Variants in AHI1 observed in about 807,000 individuals in gnomAD.
AHI1 encodes the protein Abelson helper integration site 1.
Under a neutral mutation model 149.3 loss-of-function variants are expected in AHI1, and 123 were observed. That is an observed-to-expected ratio of 0.82 (90% CI 0.71 to 0.96). The LOEUF (loss-of-function observed/expected upper bound fraction) is 0.96, where lower values mean the gene tolerates loss of function less well. Among genes scored for constraint, AHI1 ranks in the 40% least tolerant of loss-of-function variants. The pLI is 0.00. For synonymous variants in AHI1, 475 were observed against 459.8 expected, an observed-to-expected ratio of 1.03 and a Z score of -0.42; for missense variants, 1,439 against 1,422.7, an observed-to-expected ratio of 1.01 and a Z score of -0.18.
At chr6:135,334,154 G>C (rs1326723847) in intron 24 of AHI1, among the ~76,000 whole-genome samples, 1 of 152,140 alleles carries the variant, frequency 6.6e-6, no homozygotes, top group Non-Finnish European at 1.5e-5. Context: ...CAAAAATAAA[G>C]CTACTTTACA....
intron 20 of AHI1, among the ~76,000 whole-genome samples, chr6:135,414,334 G>A (rs1782032033): frequency 6.6e-6 from 1 of 152,082 alleles, no homozygotes; most frequent in South Asian, 2.1e-4. Context: ...AAAACCCAAA[G>A]CTGTAAGACT....
In AHI1 at chr6:135,454,657, A is replaced by T. The variant is rs78071248; in HGVS notation, c.1344+1077T>A. ...TCAAAAAGCAGTTGCATAGGCAATA[A>T]CATATTACATTAAAACTTAAGAAGC... On this transcript the variant is annotated intron_variant, in intron 10 of 28. Transcript: ENST00000265602. Among the ~76,000 whole-genome samples, 182 of 152,350 alleles carry T rather than the reference A, an allele frequency of 1.2e-3. 1 individual carries two copies. Among genetic ancestry groups the T allele is most frequent in the African/African-American group, 4.2e-3 (175 of 41,584 alleles).
chr6:135,326,257 G>A (rs1248005370), intron 24 of AHI1, among the ~76,000 whole-genome samples: 1 of 152,094 alleles, frequency 6.6e-6, no homozygotes, highest in Non-Finnish European at 1.5e-5. Flanking sequence ...TGAAATCATA[G>A]GGGTGGGGCC....
chr6:135,323,255 G>A lies in AHI1; in HGVS notation c.3235C>T (p.Arg1079Ter), dbSNP rs761732432. The change falls in exon 25 of 29, where the codon CGA becomes TGA. Residue 1079 changes from arginine (R) to a stop codon, truncating the protein, a stop_gained. Coordinates refer to ENST00000265602, the MANE Select transcript of AHI1 (RefSeq NM_001134831.2). LOFTEE classifies it high-confidence loss of function. ...ELTIHRGDII[R>*]VFFKDNEDWW... Reference sequence around the variant, plus strand: ...TCTTCATTATCTTTGAAAAACACTCGGATAATGTCTCCGCGATGGATGGTT... The same window carrying A: ...TCTTCATTATCTTTGAAAAACACTCAGATAATGTCTCCGCGATGGATGGTT... 26 of 1,613,692 alleles carry A rather than the reference G, an allele frequency of 1.6e-5. No homozygotes were observed. The highest frequency in any genetic ancestry group is 2.2e-5 in the East Asian group (1 of 44,866).
At chr6:135,322,361 A>G (rs1249125473) in intron 25 of AHI1, among the ~76,000 whole-genome samples, 1 of 152,052 alleles carries the variant, frequency 6.6e-6, no homozygotes, top group Non-Finnish European at 1.5e-5. Context: ...TGACAGTTTT[A>G]AGTTATTATT....
intron 23 of AHI1, among the ~76,000 whole-genome samples, chr6:135,392,869 G>A (rs980233575): frequency 6.6e-6 from 1 of 152,092 alleles, no homozygotes; most frequent in African/African-American, 2.4e-5. Context: ...TGGTTCCTAA[G>A]GCAGGATTTT....
At chr6:135,438,566 T>A in intron 14 of AHI1, 68 bp from the exon 15 acceptor site, 1 of 1,227,852 alleles carries the variant, frequency 8.1e-7, no homozygotes, top group Non-Finnish European at 1.1e-6. Flanking sequence ...TACAAATATA[T>A]AATTTAATAT....
At chr6:135,399,224 C>T (rs951967248) in intron 22 of AHI1, among the ~76,000 whole-genome samples, 3 of 152,152 alleles carry the variant, frequency 2.0e-5, no homozygotes, top group East Asian at 1.9e-4. Flanking sequence ...GGCTATTTCC[C>T]TGCAGGTTAG....
intron 23 of AHI1, among the ~76,000 whole-genome samples, chr6:135,364,664 C>T (rs1350212916): frequency 3.3e-5 from 5 of 152,064 alleles, no homozygotes; most frequent in South Asian, 2.1e-4. Context: ...CCGAGGCTGG[C>T]GGATCACTCG....
At chr6:135,294,227 G>T (rs567954548) in intron 27 of AHI1, among the ~76,000 whole-genome samples, 6 of 152,124 alleles carry the variant, frequency 3.9e-5, no homozygotes, top group African/African-American at 1.2e-4. Context: ...TCAGGAGGCT[G>T]AGGCAGGAGA....
chr6:135,459,353 C>G (rs1789494317), intron 8 of AHI1, among the ~76,000 whole-genome samples: 1 of 151,926 alleles, frequency 6.6e-6, no homozygotes, highest in Non-Finnish European at 1.5e-5. Context: ...TTTGGAGATG[C>G]AGGTAAAGTA....
intron 16 of AHI1, among the ~76,000 whole-genome samples, chr6:135,431,818 T>C (rs1448201023): frequency 6.6e-6 from 1 of 152,146 alleles, no homozygotes; most frequent in Non-Finnish European, 1.5e-5. Flanking sequence ...CAGGAATATC[T>C]CAAACACCAC....
At chr6:135,409,794 T>C (rs536817603) in intron 21 of AHI1, among the ~76,000 whole-genome samples, 1 of 152,324 alleles carries the variant, frequency 6.6e-6, no homozygotes, top group African/African-American at 2.4e-5. Flanking sequence ...CATCTTTTCA[T>C]TAATTGGTCT....
At position 135,463,144 on chromosome 6, in the gene AHI1, T is replaced by G. The variant is rs1186344332; in HGVS notation, c.912A>C (p.Thr304=). The change falls in exon 8 of 29, where the codon ACA becomes ACC. Residue 304 remains threonine, a synonymous_variant. Coordinates refer to ENST00000265602, the MANE Select transcript of AHI1 (RefSeq NM_001134831.2). ...QDDTKPKPKK[T]KKKTKAVADN... ...GCAAACCTGCTTTAGTCTTCTTTTT[T>G]GTTTTTTTTGGTTTAGGTTTTGTAT... 1 of 1,585,116 alleles carries G rather than the reference T, an allele frequency of 6.3e-7. No individual in the cohort carries two copies. The highest frequency in any genetic ancestry group is 2.2e-5 in the East Asian group (1 of 44,550).
chr6:135,397,584 T>C (rs1779400088), intron 22 of AHI1, among the ~76,000 whole-genome samples: 1 of 152,070 alleles, frequency 6.6e-6, no homozygotes. Flanking sequence ...TCTTTTAGGG[T>C]ATAAGCAGAC....
chr6:135,472,533 G>A (rs1277431876), intron 5 of AHI1, among the ~76,000 whole-genome samples: 2 of 152,086 alleles, frequency 1.3e-5, no homozygotes, highest in Admixed American at 1.3e-4. Flanking sequence ...TGTGCTACAT[G>A]GTAAACAGAT....
At chr6:135,296,556 G>A (rs575463014) in intron 27 of AHI1, among the ~76,000 whole-genome samples, 1 of 152,270 alleles carries the variant, frequency 6.6e-6, no homozygotes, top group South Asian at 2.1e-4. Context: ...TAACAGGTAT[G>A]CTTCTGCTTC....
chr6:135,406,361 T>G (rs1780794699), intron 21 of AHI1, among the ~76,000 whole-genome samples: 1 of 152,236 alleles, frequency 6.6e-6, no homozygotes, highest in African/African-American at 2.4e-5. Context: ...ACAGTTAAAC[T>G]GACTGTGGAC....
At chr6:135,494,299 C>G (rs539907202) in intron 3 of AHI1, among the ~76,000 whole-genome samples, 1 of 152,298 alleles carries the variant, frequency 6.6e-6, no homozygotes, top group South Asian at 2.1e-4. Context: ...GTACCGTAGA[C>G]AGAAGAAGCA....
Sources: allele counts gnomAD v4.1 joint callset (sites outside exome capture counted in the v4.1 genomes callset), GRCh38; gene constraint gnomAD v4.1.1; transcripts MANE v1.5; gene names NCBI Gene and HGNC (gene_info 2026-07-23, HGNC 2026-07-21).